NCOA2: variants seen among roughly 807,000 people sequenced by gnomAD.
NCOA2 encodes nuclear receptor coactivator 2, also known as class E basic helix-loop-helix protein 75.
Under a neutral mutation model 145.1 loss-of-function variants are expected in NCOA2, and 21 were observed. The observed-to-expected ratio is 0.14, with a 90% CI of 0.10 to 0.21. The LOEUF is 0.21. Among genes scored for constraint, NCOA2 ranks in the 10% least tolerant of loss-of-function variants. The probability of loss-of-function intolerance (pLI) is 1.00; values close to 1 mark genes in which losing one functional copy is unlikely to be tolerated. For missense variants in NCOA2, 1,472 were observed against 1,837.6 expected, an observed-to-expected ratio of 0.80 and a Z score of 3.64; for synonymous variants, 619 against 637.5, an observed-to-expected ratio of 0.97 and a Z score of 0.44.
At chr8:70,264,802 G>C (rs1824435258) in intron 2 of NCOA2, among the ~76,000 whole-genome samples, 1 of 151,708 alleles carries the variant, frequency 6.6e-6, no homozygotes, top group Admixed American at 6.6e-5. Flanking sequence ...CACAACATTT[G>C]ACTGACTTGC....
chr8:70,422,760 G>GT, the NCOA2 span, among the ~76,000 whole-genome samples: 59 of 151,186 alleles, frequency 3.9e-4, no homozygotes, highest in Middle Eastern at 3.4e-3. Context: ...TTCTTTTTGT[G>GT]TTTTTTTTCT....
chr8:70,395,488 T>C (rs1428637826), intron 1 of NCOA2, among the ~76,000 whole-genome samples: 4 of 152,244 alleles, frequency 2.6e-5, no homozygotes, highest in African/African-American at 9.6e-5. Context: ...TAGAAATTCA[T>C]ATACTCCCGA....
chr8:70,344,689 C>A (rs1042347091), intron 1 of NCOA2, among the ~76,000 whole-genome samples: 9 of 152,034 alleles, frequency 5.9e-5, no homozygotes, highest in African/African-American at 9.7e-5. Flanking sequence ...AAAAGCAGGA[C>A]TGGGGGGAGT....
At chr8:70,217,291 G>A (rs376558729) in intron 2 of NCOA2, among the ~76,000 whole-genome samples, 7 of 152,182 alleles carry the variant, frequency 4.6e-5, no homozygotes, top group Admixed American at 2.6e-4. Context: ...CTGTAGCCCC[G>A]AGTTCCTGCA....
At chr8:70,355,602 C>T (rs1489614193) in intron 1 of NCOA2, among the ~76,000 whole-genome samples, 1 of 150,268 alleles carries the variant, frequency 6.7e-6, no homozygotes, top group Non-Finnish European at 1.5e-5. Context: ...TTTCTCTCAT[C>T]GGCTATCGTG....
chr8:70,414,705 A>G, the NCOA2 span, among the ~76,000 whole-genome samples: 4 of 152,346 alleles, frequency 2.6e-5, no homozygotes, highest in East Asian at 3.9e-4. Context: ...GTTTCTATAG[A>G]AAAACATGCT....
chr8:70,277,621 C>T (rs888273350), intron 2 of NCOA2, among the ~76,000 whole-genome samples: 19 of 152,118 alleles, frequency 1.2e-4, no homozygotes, highest in African/African-American at 4.6e-4. Flanking sequence ...AAAAAAATTA[C>T]TTCTAAACTA....
chr8:70,419,203 G>A, the NCOA2 span, among the ~76,000 whole-genome samples: 1 of 151,542 alleles, frequency 6.6e-6, no homozygotes, highest in Non-Finnish European at 1.5e-5. Flanking sequence ...TTTTTGCTAG[G>A]TTTTTCATAT....
chr8:70,249,015 C>A (rs1185724933), intron 2 of NCOA2, among the ~76,000 whole-genome samples: 5 of 151,964 alleles, frequency 3.3e-5, no homozygotes, highest in Non-Finnish European at 7.4e-5. Flanking sequence ...TTCTCCACCC[C>A]CCGGATGGAC....
intron 2 of NCOA2, among the ~76,000 whole-genome samples, chr8:70,264,013 G>GACC (rs1245585274): frequency 6.6e-6 from 1 of 152,136 alleles, no homozygotes; most frequent in Non-Finnish European, 1.5e-5. Context: ...GGGAGTTTGA[G>GACC]ACCAGCCCGA....
At chr8:70,277,655 T>C (rs1159000083) in intron 2 of NCOA2, among the ~76,000 whole-genome samples, 3 of 152,224 alleles carry the variant, frequency 2.0e-5, no homozygotes, top group Non-Finnish European at 4.4e-5. Flanking sequence ...ATGCTATTTT[T>C]AGGTCACGTT....
At chr8:70,125,135 T>C (rs1227976416) in intron 19 of NCOA2, among the ~76,000 whole-genome samples, 1 of 152,104 alleles carries the variant, frequency 6.6e-6, no homozygotes, top group Non-Finnish European at 1.5e-5. Flanking sequence ...AAAGAAACAA[T>C]GCTATTCTTT....
chr8:70,285,060 G>A (rs72663973), intron 2 of NCOA2, among the ~76,000 whole-genome samples: 4,547 of 152,226 alleles, frequency 0.03, 91 homozygotes, highest in South Asian at 0.054. Context: ...TCCATCTGAT[G>A]TAGCTACAGG....
Position 70,144,630 on chromosome 8 carries a change from T to C in NCOA2, c.2812+12A>G, listed in dbSNP as rs753225909. On this transcript the variant is annotated intron_variant, in intron 13 of 22. Coordinates refer to ENST00000452400, the MANE Select transcript of NCOA2 (RefSeq NM_006540.4). ...ACCCACCAATAAAGTAACAGTGCAT[T>C]TGACCCCTTACCTGTGCTACTGTTC... 1.9e-6 allele frequency: 3 copies of C among 1,604,884 alleles called. No homozygotes were observed. The highest frequency in any genetic ancestry group is 2.7e-5 in the African/African-American group (2 of 74,782).
chr8:70,325,539 G>A (rs9918828), intron 1 of NCOA2, among the ~76,000 whole-genome samples: 15,723 of 151,616 alleles, frequency 0.1, 1,255 homozygotes, highest in East Asian at 0.4. Flanking sequence ...ATCCTCCTAA[G>A]TAGCTGGGAC....
chr8:70,290,616 T>C (rs1676992990), intron 2 of NCOA2, among the ~76,000 whole-genome samples: 1 of 152,172 alleles, frequency 6.6e-6, no homozygotes, highest in Non-Finnish European at 1.5e-5. Flanking sequence ...TCTGGTTTTC[T>C]CCCATTATAC....
intron 2 of NCOA2, among the ~76,000 whole-genome samples, chr8:70,256,558 C>T (rs374192587): frequency 1.3e-5 from 2 of 152,222 alleles, no homozygotes; most frequent in African/African-American, 4.8e-5. Flanking sequence ...ATTTGACAGA[C>T]TGAAGAGAAA....
chr8:70,147,191 G>A (rs962307098), intron 12 of NCOA2, among the ~76,000 whole-genome samples: 23 of 151,214 alleles, frequency 1.5e-4, no homozygotes, highest in African/African-American at 4.6e-4. Flanking sequence ...GGAGTACAGC[G>A]GCGCAATCTC....
intron 9 of NCOA2, 114 bp downstream of exon 9, chr8:70,162,597 G>A (rs1305544159): frequency 9.0e-7 from 1 of 1,109,622 alleles, no homozygotes; most frequent in Non-Finnish European, 1.2e-6. Flanking sequence ...GGCCAGATGA[G>A]ACAGCTCACG....
Sources: gnomAD v4.1 joint callset for allele counts (sites outside exome capture counted in the v4.1 genomes callset) on GRCh38, gnomAD v4.1.1 for gene constraint, MANE v1.5 for transcripts, NCBI Gene and HGNC (gene_info 2026-07-23, HGNC 2026-07-21) for gene names.